PRRG4: variants seen among roughly 807,000 people sequenced by gnomAD.
PRRG4 encodes the protein transmembrane gamma-carboxyglutamic acid protein 4.
A neutral mutation model predicts 20.0 loss-of-function variants in PRRG4; 12 were observed. That is an observed-to-expected ratio of 0.60 (90% CI 0.38 to 0.97). The LOEUF is 0.97. Ranked by LOEUF, PRRG4 falls within the 50% of genes least tolerant of loss-of-function variation. The pLI is 0.00. For missense variants in PRRG4, 199 were observed against 265.1 expected (o/e 0.75, Z 1.73); for synonymous variants, 94 against 96.4 (o/e 0.98, Z 0.15).
chr11:32,845,308 C>T (rs1179515858), intron 5 of PRRG4, among the ~76,000 whole-genome samples: 2 of 151,988 alleles, frequency 1.3e-5, no homozygotes, highest in Non-Finnish European at 2.9e-5. Flanking sequence ...AACAAAAAAG[C>T]AACTTGGATA....
intron 1 of PRRG4, 29 bp from the exon 2 acceptor site, chr11:32,830,479 T>C (rs1346903406): frequency 2.1e-6 from 3 of 1,431,870 alleles, no homozygotes; most frequent in Non-Finnish European, 2.8e-6. Flanking sequence ...GGGCCTTTTT[T>C]TTTTAATATT....
intron 3 of PRRG4, among the ~76,000 whole-genome samples, chr11:32,837,756 C>T (rs1156298918): frequency 6.6e-6 from 1 of 151,854 alleles, no homozygotes; most frequent in East Asian, 1.9e-4. Flanking sequence ...CAGGGTTTCA[C>T]CATGTTGCCC....
At chr11:32,834,344 C>A (rs796466391) in intron 2 of PRRG4, among the ~76,000 whole-genome samples, 31 of 152,164 alleles carry the variant, frequency 2.0e-4, no homozygotes, top group African/African-American at 6.7e-4. Context: ...CATTCTATGT[C>A]CATTTGGTGG....
At chr11:32,834,596 A>G (rs1851002849) in intron 2 of PRRG4, among the ~76,000 whole-genome samples, 1 of 152,218 alleles carries the variant, frequency 6.6e-6, no homozygotes. Flanking sequence ...AATTTTTCTA[A>G]TAGCCACATT....
Position 32,831,865 on chromosome 11 carries a change from A to G in PRRG4, c.103+1233A>G, listed in dbSNP as rs530466462. ...GTGAAACCCCGTCTCTACTAAATAT[A>G]CAAAAATTAGCCTGGCTTGGTGGCA... On this transcript the variant is annotated intron_variant, in intron 2 of 5. Transcript: ENST00000257836. Among the ~76,000 whole-genome samples the G allele has an allele frequency of 3.3e-5, 5 of 152,220 alleles. No individual in the cohort carries two copies. The South Asian group carries it at 1.0e-3, about 32-fold the overall frequency.
intron 5 of PRRG4, among the ~76,000 whole-genome samples, chr11:32,847,044 T>C (rs1430995120): frequency 2.0e-5 from 3 of 151,940 alleles, no homozygotes; most frequent in Admixed American, 2.0e-4. Flanking sequence ...ACAATATGAC[T>C]TGAACCTAAG....
intron 5 of PRRG4, among the ~76,000 whole-genome samples, chr11:32,853,037 C>T (rs890281139): frequency 2.7e-5 from 4 of 150,710 alleles, no homozygotes; most frequent in Non-Finnish European, 5.9e-5. Flanking sequence ...ATCCGCCCGC[C>T]TCAGCCTCCC....
chr11:32,831,435 A>G (rs1199675125), intron 2 of PRRG4, among the ~76,000 whole-genome samples: 1 of 152,086 alleles, frequency 6.6e-6, no homozygotes, highest in Non-Finnish European at 1.5e-5. Flanking sequence ...GATCTGTTAC[A>G]CTAGTACTCC....
rs1181012758 is a variant in PRRG4, at chr11:32,840,149, G to T, written c.359G>T (p.Gly120Val). 6.2e-7 allele frequency: 1 copy of T among 1,608,478 alleles called. No individual in the cohort carries two copies. ...ATAGATGTTATGGGCCTTCTGACTG[G>T]ATTAATTGCTGCTGGAGTATTTTTG... ...EKIDVMGLLT[G>V]LIAAGVFLVI... Residue 120 changes from glycine (G) to valine (V), a missense_variant, in exon 5 of 6, where the codon GGA becomes GTA. Transcript: ENST00000257836. The surrounding 1 kb of genome is among the most constrained non-coding windows in gnomAD (Gnocchi z 4.1).
intron 2 of PRRG4, among the ~76,000 whole-genome samples, chr11:32,831,304 C>G (rs962771928): frequency 9.9e-5 from 15 of 152,178 alleles, no homozygotes; most frequent in African/African-American, 3.6e-4. Flanking sequence ...GCATCCTTCT[C>G]CCTGACTATT....
At chr11:32,833,165 G>A (rs1416157027) in intron 2 of PRRG4, among the ~76,000 whole-genome samples, 1 of 152,174 alleles carries the variant, frequency 6.6e-6, no homozygotes, top group Non-Finnish European at 1.5e-5. Flanking sequence ...GGAAAAATTT[G>A]ATCTGGCACC....
chr11:32,850,212 G>C (rs190035989), intron 5 of PRRG4, among the ~76,000 whole-genome samples: 3 of 152,122 alleles, frequency 2.0e-5, no homozygotes, highest in African/African-American at 7.2e-5. Context: ...TAGTGTCCTC[G>C]TGCTTACACT....
chr11:32,848,983 A>C (rs72899244), intron 5 of PRRG4, among the ~76,000 whole-genome samples: 1 of 149,884 alleles, frequency 6.7e-6, no homozygotes, highest in African/African-American at 2.5e-5. Context: ...AAAAAAAAAA[A>C]AAGAATTTAA....
intron 2 of PRRG4, among the ~76,000 whole-genome samples, chr11:32,834,959 G>A (rs966398884): frequency 3.3e-5 from 5 of 151,988 alleles, no homozygotes; most frequent in African/African-American, 7.3e-5. Context: ...AACTACAGGC[G>A]TGCACCACCA....
At chr11:32,851,777 T>C (rs1169700547) in intron 5 of PRRG4, among the ~76,000 whole-genome samples, 2 of 152,192 alleles carry the variant, frequency 1.3e-5, no homozygotes, top group Non-Finnish European at 2.9e-5. Context: ...TTCCTTTTTT[T>C]GTGGGTACAT....
chr11:32,854,207 T>C lies in PRRG4; in HGVS notation c.*680T>C, dbSNP rs1851210091. The stretch of plus-strand genomic sequence containing the variant: ...TTTGGATCCTTTGTACAGATAAAGG[T>C]TATAGATTTCTTGTGTTGAATATTA... On this transcript the variant is annotated 3_prime_UTR_variant, in exon 6 of 6. Transcript: ENST00000257836. The C allele has an allele frequency of 6.6e-6, 1 of 152,116 alleles. No individual in the cohort carries two copies. The highest frequency in any genetic ancestry group is 1.5e-5 in the Non-Finnish European group (1 of 68,016). 9.4% of individuals were successfully genotyped at this position (152,116 alleles called of 1,614,324 possible). A position where few individuals can be genotyped will look rare whatever the true frequency, so the allele number is the denominator to read the frequency against.
intron 2 of PRRG4, among the ~76,000 whole-genome samples, chr11:32,833,278 A>G (rs930330621): frequency 2.0e-5 from 3 of 152,196 alleles, no homozygotes; most frequent in Non-Finnish European, 4.4e-5. Context: ...TAATAGCATG[A>G]TTAATCATAA....
rs762754429 is a variant in PRRG4, at chr11:32,853,310, A to T, written c.464A>T (p.Tyr155Phe). 1 of 1,613,844 alleles carries T rather than the reference A, an allele frequency of 6.2e-7. No homozygotes were observed. Among genetic ancestry groups the T allele is most frequent in the Non-Finnish European group, 8.5e-7 (1 of 1,179,766 alleles). The part of the protein sequence containing the change: ...RLQHPCSSAV[Y>F]ERGRHTPSII... The stretch of plus-strand genomic sequence containing the variant: ...TCTCTGCTTAGCTCTTCAGCCGTCT[A>T]TGAAAGGGGGAGGCACACTCCCTCC... The change falls in exon 6 of 6, where the codon TAT (tyrosine) becomes TTT (phenylalanine). Residue 155 changes from tyrosine (Y) to phenylalanine (F), a missense_variant. Tyr to Phe is a conservative substitution (Grantham distance 22). Coordinates refer to ENST00000257836, the MANE Select transcript of PRRG4 (RefSeq NM_024081.6).
chr11:32,847,954 C>T (rs1222121115), intron 5 of PRRG4, among the ~76,000 whole-genome samples: 1 of 152,112 alleles, frequency 6.6e-6, no homozygotes, highest in Non-Finnish European at 1.5e-5. Flanking sequence ...TAGGCAAATT[C>T]ACAGAGACAA....
Sources: gnomAD v4.1 joint callset for allele counts (sites outside exome capture counted in the v4.1 genomes callset) on GRCh38, gnomAD v4.1.1 for gene constraint, Gnocchi (gnomAD v3.1) non-coding constraint, MANE v1.5 for transcripts, NCBI Gene and HGNC (gene_info 2026-07-23, HGNC 2026-07-21) for gene names.